DNAJC10: variants seen among roughly 807,000 people sequenced by gnomAD.
DNAJC10 encodes DnaJ heat shock protein family (Hsp40) member C10.
Under a neutral mutation model 115.0 loss-of-function variants are expected in DNAJC10, and 101 were observed. The observed-to-expected ratio is 0.88, with a 90% CI of 0.75 to 1.04. The LOEUF (loss-of-function observed/expected upper bound fraction) is 1.04. Among genes scored for constraint, DNAJC10 ranks in the 50% least tolerant of loss-of-function variants. The pLI, the probability that DNAJC10 is intolerant of heterozygous loss-of-function variation, is 0.00. For synonymous variants in DNAJC10, 307 were observed against 301.5 expected, an observed-to-expected ratio of 1.02 and a Z score of -0.19; for missense variants, 981 against 928.8, an observed-to-expected ratio of 1.06 and a Z score of -0.73.
chr2:182,747,044 T>C (rs1693886409), intron 14 of DNAJC10, among the ~76,000 whole-genome samples: 1 of 152,196 alleles, frequency 6.6e-6, no homozygotes, highest in African/African-American at 2.4e-5. Flanking sequence ...TAGTTGTATA[T>C]ATGCGGCGTT....
Position 182,791,485 on chromosome 2 carries a change from T to A in DNAJC10, c.*14353T>A, listed in dbSNP as rs974009523. ...GCCCAGCTAGAAGTCAACGTGTGTT[T>A]CTGAAACTATGCTGGGGAAAGTAGC... On this transcript the variant is annotated 3_prime_UTR_variant, in exon 24 of 24. Transcript: ENST00000264065. 1.3e-5 allele frequency: 2 copies of A among 152,230 alleles called. No individual in the cohort carries two copies. The highest frequency in any genetic ancestry group is 6.5e-5 in the Admixed American group (1 of 15,280). 9.4% of individuals were successfully genotyped at this position (152,230 alleles called of 1,614,324 possible). A position where few individuals can be genotyped will look rare whatever the true frequency, so the allele number is the denominator to read the frequency against.
rs367849311 is a variant in DNAJC10 at position 182,756,417 on chromosome 2, C to T, written c.1757C>T (p.Pro586Leu). The T allele has an allele frequency of 1.6e-5, 26 of 1,613,858 alleles. No homozygotes were observed. Among genetic ancestry groups the T allele is most frequent in the African/African-American group, 1.5e-4 (11 of 74,902 alleles). Residue 586 changes from proline to leucine, a missense_variant, in exon 18 of 24, where the codon CCG becomes CTG. Coordinates refer to ENST00000264065, the MANE Select transcript of DNAJC10 (RefSeq NM_018981.4). ...GTCTGGATGGTTGATTTCTATTCTC[C>T]GTGGTGTCATCCTTGCCAAGTCTTA... is the stretch of plus-strand genomic sequence containing the variant. ...NEVWMVDFYS[P>L]WCHPCQVLMP...
At chr2:182,719,905 T>G in intron 3 of DNAJC10, 102 bp from the exon 4 acceptor site, 1 of 607,150 alleles carries the variant, frequency 1.6e-6, no homozygotes, top group Non-Finnish European at 2.7e-6. Context: ...TGGTATATGG[T>G]CTCCCAGAAG....
At chr2:182,734,604 T>G (rs1244249242) in intron 10 of DNAJC10, among the ~76,000 whole-genome samples, 1 of 151,842 alleles carries the variant, frequency 6.6e-6, no homozygotes, top group African/African-American at 2.4e-5. Context: ...GTTAATCAGA[T>G]CCTCTAGATC....
At position 182,728,612 on chromosome 2, in the gene DNAJC10, A is replaced by T. The variant is rs748032250; in HGVS notation, c.455A>T (p.Asn152Ile). The change falls in exon 6 of 24, where the codon AAT becomes ATT. Residue 152 changes from asparagine (N) to isoleucine (I), a missense_variant. Physicochemically the swap from Asn to Ile is moderately radical, Grantham distance 149. Transcript: ENST00000264065. ...AVNSGELWFV[N>I]FYSPGCSHCH... Reference sequence around the variant, plus strand: ...AATTCTGGAGAACTGTGGTTTGTAAATTTTTACTCCCCAGGCTGTTCACAC... The same window carrying T: ...AATTCTGGAGAACTGTGGTTTGTAATTTTTTACTCCCCAGGCTGTTCACAC... 14 of 1,612,410 alleles carry T rather than the reference A, an allele frequency of 8.7e-6. No individual in the cohort carries two copies. The highest frequency in any genetic ancestry group is 1.1e-5 in the Non-Finnish European group (13 of 1,179,148).
intron 7 of DNAJC10, 104 bp downstream of exon 7, chr2:182,729,098 G>GT: frequency 8.4e-7 from 1 of 1,189,988 alleles, no homozygotes; most frequent in African/African-American, 1.5e-5. Flanking sequence ...TTTAAGTCTT[G>GT]TTTTACAAGG....
chr2:182,746,727 T>C (rs1559011631), intron 14 of DNAJC10, among the ~76,000 whole-genome samples: 1 of 152,146 alleles, frequency 6.6e-6, no homozygotes, highest in Non-Finnish European at 1.5e-5. Context: ...AGAAGCTCTT[T>C]AGTTTAATTA....
chr2:182,728,714 A>G (rs1204918083), intron 6 of DNAJC10, 56 bp downstream of exon 6: 2 of 1,492,292 alleles, frequency 1.3e-6, no homozygotes, highest in African/African-American at 2.9e-5. Context: ...TCTGCAATTT[A>G]TATGTTAGAA....
intron 4 of DNAJC10, among the ~76,000 whole-genome samples, chr2:182,721,112 G>A (rs1338350154): frequency 1.3e-5 from 2 of 152,122 alleles, no homozygotes; most frequent in Non-Finnish European, 2.9e-5. Context: ...CAGAGACCCA[G>A]TGTTTCTCCT....
chr2:182,789,733 A>G lies in DNAJC10; in HGVS notation c.*12601A>G, dbSNP rs1695015949. On this transcript the variant is annotated 3_prime_UTR_variant, in exon 24 of 24. Transcript: ENST00000264065. ...ATATCATAGTAATTCTATTTTTAAT[A>G]TGGGGGGACCTCCATACTGTTTTTC... is the stretch of plus-strand genomic sequence containing the variant. The G allele has an allele frequency of 6.6e-6, 1 of 152,114 alleles. No individual in the cohort carries two copies. The highest frequency in any genetic ancestry group is 2.4e-5 in the African/African-American group (1 of 41,418). The allele number at this position is 152,114 out of a possible 1,614,324, so 9.4% of individuals were successfully genotyped here. A position where few individuals can be genotyped will look rare whatever the true frequency, so the allele number is the denominator to read the frequency against.
At chr2:182,745,523 G>A (rs1693838925) in intron 14 of DNAJC10, among the ~76,000 whole-genome samples, 1 of 152,082 alleles carries the variant, frequency 6.6e-6, no homozygotes, top group Non-Finnish European at 1.5e-5. Context: ...TACTAACTTT[G>A]TAATAGAACT....
In DNAJC10 at chr2:182,740,350, C is replaced by A. The variant is rs13414223; in HGVS notation, c.1039C>A (p.Leu347Ile). Reference sequence around the variant, plus strand: ...AATATATTTGGAAGTAATACATAATCTTCCAGATTTTGAACTACTTTCGGC... The same window carrying A: ...AATATATTTGGAAGTAATACATAATATTCCAGATTTTGAACTACTTTCGGC... ...KEIYLEVIHNLPDFELLSANT... is the reference protein window; with the variant it reads ...KEIYLEVIHNIPDFELLSANT... Residue 347 changes from leucine (L) to isoleucine (I), a missense_variant, in exon 12 of 24, where the codon CTT becomes ATT. Transcript: ENST00000264065. 0.012 allele frequency: 18,568 copies of A among 1,565,288 alleles called. 439 individuals carry two copies. The highest frequency in any genetic ancestry group is 0.083 in the East Asian group (3,507 of 42,106).
At chr2:182,773,591 C>T (rs1326759886) in intron 22 of DNAJC10, among the ~76,000 whole-genome samples, 1 of 152,184 alleles carries the variant, frequency 6.6e-6, no homozygotes, top group Non-Finnish European at 1.5e-5. Context: ...TCTTCAATCA[C>T]TGATACCCTT....
rs955001401 is a variant in DNAJC10, at chr2:182,784,861, T to G, written c.*7729T>G. 6.6e-6 allele frequency: 1 copy of G among 152,150 alleles called. No individual in the cohort carries two copies. Among genetic ancestry groups the G allele is most frequent in the Non-Finnish European group, 1.5e-5 (1 of 68,030 alleles). 9.4% of individuals were successfully genotyped at this position (152,150 alleles called of 1,614,324 possible). ...TCTGATAGGCTTCCCTGAAGGATTT[T>G]AAGCAGAAATAACATCAGGTACCAG... On this transcript the variant is annotated 3_prime_UTR_variant, in exon 24 of 24. Coordinates refer to ENST00000264065, the MANE Select transcript of DNAJC10 (RefSeq NM_018981.4).
intron 6 of DNAJC10, 84 bp downstream of exon 6, chr2:182,728,742 A>T: frequency 1.3e-6 from 2 of 1,489,088 alleles, no homozygotes; most frequent in East Asian, 2.3e-5. Flanking sequence ...TTCTATGAAT[A>T]GTAATCAAAA....
rs1302496949 is a variant in DNAJC10 at position 182,741,355 on chromosome 2, A to G, written c.1190A>G (p.Gln397Arg). The change falls in exon 13 of 24, where the codon CAA becomes CGA. Residue 397 changes from glutamine (Q) to arginine (R), a missense_variant and splice_region_variant. Coordinates refer to ENST00000264065, the MANE Select transcript of DNAJC10 (RefSeq NM_018981.4). ...LKTLLKNDHIQVGRFDCSSAP... is the reference protein window; with the variant it reads ...LKTLLKNDHIRVGRFDCSSAP... ...ACTCTACTTAAAAATGATCATATTC[A>G]AGTAAGAAAAATGTATTCTGCCTAG... is the stretch of plus-strand genomic sequence containing the variant. 1.3e-6 allele frequency: 2 copies of G among 1,490,796 alleles called. No individual in the cohort carries two copies. Among genetic ancestry groups the G allele is most frequent in the Non-Finnish European group, 1.8e-6 (2 of 1,086,486 alleles). The allele number at this position is 1,490,796 out of a possible 1,614,324, so 92.3% of individuals were successfully genotyped here.
At position 182,759,233 on chromosome 2, in the gene DNAJC10, T is replaced by C; in HGVS notation, c.2071T>C (p.Trp691Arg). The C allele has an allele frequency of 6.2e-7, 1 of 1,611,112 alleles. No homozygotes were observed. Among genetic ancestry groups the C allele is most frequent in the Non-Finnish European group, 8.5e-7 (1 of 1,179,324 alleles). ...AAAAGTTCTACAAGGGAAAAATCAT[T>C]GGGTGATTGATTTCTATGCTCCTTG... The part of the protein sequence containing the change: ...SEKVLQGKNH[W>R]VIDFYAPWCG... The change falls in exon 21 of 24, where the codon TGG (tryptophan) becomes CGG (arginine). Residue 691 changes from tryptophan (W) to arginine (R), a missense_variant. By Grantham distance (101) the Trp-to-Arg change is moderately radical. Transcript: ENST00000264065.
At chr2:182,761,075 C>T (rs1559021394) in intron 21 of DNAJC10, among the ~76,000 whole-genome samples, 1 of 151,622 alleles carries the variant, frequency 6.6e-6, no homozygotes, top group Non-Finnish European at 1.5e-5. Flanking sequence ...AGTAGGGCCA[C>T]GTAACTCCAC....
In DNAJC10 at chr2:182,749,898, T is replaced by C. The variant is rs192710877; in HGVS notation, c.1307-1760T>C. On this transcript the variant is annotated intron_variant, in intron 14 of 23. Transcript: ENST00000264065. ...CATTCAAAATATGCAAGGGCTGTGG[T>C]CATCTGAAGTCTAGACTGGCTACAG... 3.7e-3 allele frequency among the ~76,000 whole-genome samples: 565 copies of C among 152,274 alleles called. 4 individuals carry two copies. The highest frequency in any genetic ancestry group is 0.012 in the African/African-American group (517 of 41,560).
Sources: allele counts gnomAD v4.1 joint callset (sites outside exome capture counted in the v4.1 genomes callset), GRCh38; gene constraint gnomAD v4.1.1; transcripts MANE v1.5; gene names NCBI Gene and HGNC (gene_info 2026-07-23, HGNC 2026-07-21).